MAMLD1: variants seen among roughly 807,000 people sequenced by gnomAD.
MAMLD1 encodes mastermind-like domain-containing protein 1.
In MAMLD1, 14 loss-of-function variants were observed where a neutral mutation model predicts 45.0. The observed-to-expected ratio is 0.31, with a 90% CI of 0.21 to 0.49. The LOEUF (loss-of-function observed/expected upper bound fraction) is 0.49, where lower values mean the gene tolerates loss of function less well. Among genes scored for constraint, MAMLD1 ranks in the 20% least tolerant of loss-of-function variants. The pLI is 0.99. For synonymous variants in MAMLD1, 254 were observed against 247.8 expected, an observed-to-expected ratio of 1.02 and a Z score of -0.24; for missense variants, 543 against 603.6, an observed-to-expected ratio of 0.90 and a Z score of 1.05.
chrX:150,366,335 CCTCAACGCGCATACACACAT>C (rs2031446808), intron 1 of MAMLD1, among the ~76,000 whole-genome samples: 9 of 111,615 alleles, frequency 8.1e-5, no homozygotes, highest in South Asian at 3.8e-4. Context: ...GCGTTAACAC[CCTCAACGCGCATACACACAT>C]CCCAAATGCG....
chrX:150,425,455 T>G (rs192072439), intron 1 of MAMLD1, among the ~76,000 whole-genome samples: 37 of 112,809 alleles, frequency 3.3e-4, no homozygotes, highest in South Asian at 1.5e-3. Context: ...GCTATAATTA[T>G]ATGCCTCACA....
intron 5 of MAMLD1, among the ~76,000 whole-genome samples, chrX:150,495,803 C>T (rs1399241477): frequency 8.9e-6 from 1 of 112,394 alleles, no homozygotes; most frequent in African/African-American, 3.2e-5. Flanking sequence ...TAGAGCTCCT[C>T]CTCCTGAGGC....
At chrX:150,410,709 T>C (rs2124534407) in intron 1 of MAMLD1, among the ~76,000 whole-genome samples, 1 of 112,352 alleles carries the variant, frequency 8.9e-6, no homozygotes, top group African/African-American at 3.2e-5. Flanking sequence ...GCTATTATTA[T>C]CATCTCTCTT....
chrX:150,476,220 C>G (rs2036578447), intron 5 of MAMLD1, among the ~76,000 whole-genome samples: 1 of 111,584 alleles, frequency 9.0e-6, no homozygotes, highest in Admixed American at 9.5e-5. Flanking sequence ...AATTGCGTCA[C>G]TGAATTCCCC....
At chrX:150,404,187 C>T (rs2033943969) in intron 1 of MAMLD1, among the ~76,000 whole-genome samples, 1 of 111,110 alleles carries the variant, frequency 9.0e-6, no homozygotes, top group South Asian at 3.9e-4. Flanking sequence ...ATCAACTGCA[C>T]CCTGTAATGG....
At chrX:150,404,745 T>C (rs2033956020) in intron 1 of MAMLD1, among the ~76,000 whole-genome samples, 1 of 111,782 alleles carries the variant, frequency 8.9e-6, no homozygotes, top group South Asian at 3.8e-4. Context: ...TTTTCTAGAG[T>C]TTTGTATAAA....
chrX:150,474,823 C>A (rs994735044), intron 5 of MAMLD1, among the ~76,000 whole-genome samples: 1 of 112,187 alleles, frequency 8.9e-6, no homozygotes, highest in African/African-American at 3.2e-5. Flanking sequence ...ACCTGGTATT[C>A]TTCCAGGCCT....
chrX:150,453,635 C>G (rs781854970), intron 2 of MAMLD1, among the ~76,000 whole-genome samples: 1 of 112,049 alleles, frequency 8.9e-6, no homozygotes, highest in Non-Finnish European at 1.9e-5. Context: ...CCTTCCTCTG[C>G]TTAAGTCCCC....
intron 1 of MAMLD1, among the ~76,000 whole-genome samples, chrX:150,426,756 A>G (rs1247454862): frequency 1.8e-5 from 2 of 111,079 alleles, no homozygotes; most frequent in Non-Finnish European, 3.8e-5. Context: ...GTCCCTCACC[A>G]CAGAAGACTA....
chrX:150,395,940 T>A (rs2033395124), intron 1 of MAMLD1, among the ~76,000 whole-genome samples: 1 of 110,141 alleles, frequency 9.1e-6, no homozygotes, highest in African/African-American at 3.3e-5. Context: ...CTAATTTGTA[T>A]TATATATTTT....
chrX:150,438,888 G>A (rs1342748561), intron 1 of MAMLD1, among the ~76,000 whole-genome samples: 1 of 112,011 alleles, frequency 8.9e-6, no homozygotes, highest in Non-Finnish European at 1.9e-5. Context: ...GGGTCAAATG[G>A]TAATTCTATG....
intron 5 of MAMLD1, among the ~76,000 whole-genome samples, chrX:150,477,229 C>T (rs1393444815): frequency 8.9e-6 from 1 of 112,155 alleles, no homozygotes; most frequent in Admixed American, 9.4e-5. Context: ...ATTAGCATAC[C>T]TTTCTCATGG....
At chrX:150,398,155 C>G (rs1015783329) in intron 1 of MAMLD1, among the ~76,000 whole-genome samples, 7 of 107,158 alleles carry the variant, frequency 6.5e-5, no homozygotes, top group Non-Finnish European at 1.2e-4. Flanking sequence ...AAATTTTTCA[C>G]CTAATATCCA....
intron 5 of MAMLD1, among the ~76,000 whole-genome samples, chrX:150,497,886 G>T (rs782115761): frequency 9.6e-4 from 107 of 111,125 alleles, no homozygotes; most frequent in African/African-American, 3.4e-3. Flanking sequence ...TCTAGTCTAG[G>T]CTCTGGCACT....
chrX:150,513,201 T>G lies in MAMLD1; in HGVS notation c.*1242T>G. The G allele has an allele frequency of 1.8e-6, 1 of 540,624 alleles. No homozygotes were observed. Among genetic ancestry groups the G allele is most frequent in the Non-Finnish European group, 2.8e-6 (1 of 353,739 alleles). The allele number at this position is 540,624 out of a possible 1,213,427, so 44.6% of individuals were successfully genotyped here. On this transcript the variant is annotated 3_prime_UTR_variant, in exon 8 of 8. Coordinates refer to ENST00000370401, the MANE Select transcript of MAMLD1 (RefSeq NM_005491.5). ...GTCAGCCCATGCTTATCCCTCTCTC[T>G]ACCTGTGACAAAATGGAAAGCTGGT...
At chrX:150,426,772 G>A (rs1266034189) in intron 1 of MAMLD1, among the ~76,000 whole-genome samples, 1 of 111,395 alleles carries the variant, frequency 9.0e-6, no homozygotes, top group Non-Finnish European at 1.9e-5. Flanking sequence ...GACTAAGCAG[G>A]CCCAGAAGCT....
chrX:150,492,920 G>A (rs191925655), intron 5 of MAMLD1, among the ~76,000 whole-genome samples: 151 of 111,557 alleles, frequency 1.4e-3, no homozygotes, highest in African/African-American at 4.7e-3. Flanking sequence ...AGAGGAGGTG[G>A]CCCCAGGAAA....
At position 150,384,015 on chromosome X, in the gene MAMLD1, T is replaced by A. The variant is rs782479480; in HGVS notation, c.-64+20485T>A. Among the ~76,000 whole-genome samples the A allele has an allele frequency of 2.7e-5, 3 of 111,970 alleles. No individual in the cohort carries two copies. The South Asian group carries it at 1.1e-3, about 42-fold the overall frequency. The stretch of plus-strand genomic sequence containing the variant: ...CATATGTTGTTTCTCCATTCATCAG[T>A]TGATAGAAATTTGAGCTGTTATCAC... On this transcript the variant is annotated intron_variant, in intron 1 of 7. Coordinates refer to ENST00000370401, the MANE Select transcript of MAMLD1 (RefSeq NM_005491.5).
At chrX:150,444,342 C>A (rs1401994704) in intron 1 of MAMLD1, among the ~76,000 whole-genome samples, 1 of 111,716 alleles carries the variant, frequency 9.0e-6, no homozygotes, top group Non-Finnish European at 1.9e-5. Flanking sequence ...CTTTCCTGGT[C>A]TTTTGGCTAG....
Sources: gnomAD v4.1 joint callset for allele counts (sites outside exome capture counted in the v4.1 genomes callset) on GRCh38, gnomAD v4.1.1 for gene constraint, MANE v1.5 for transcripts, NCBI Gene and HGNC (gene_info 2026-07-23, HGNC 2026-07-21) for gene names.